The following AMBRA1 variants were observed in gnomAD, a reference collection of about 807,000 sequenced individuals.
The protein encoded by AMBRA1 is activating molecule in BECN1-regulated autophagy protein 1.
Under a neutral mutation model 125.4 loss-of-function variants are expected in AMBRA1, and 47 were observed. The observed-to-expected ratio is 0.37, with a 90% CI of 0.30 to 0.48. The LOEUF is 0.48. Ranked by LOEUF, AMBRA1 falls within the 20% of genes least tolerant of loss-of-function variation. The probability of loss-of-function intolerance (pLI) is 0.99; values close to 1 mark genes in which losing one functional copy is unlikely to be tolerated. For synonymous variants in AMBRA1, 626 were observed against 655.5 expected, an observed-to-expected ratio of 0.95 and a Z score of 0.69; for missense variants, 1,331 against 1,693.4, an observed-to-expected ratio of 0.79 and a Z score of 3.76.
chr11:46,496,985 G>A (rs540176526), intron 9 of AMBRA1, among the ~76,000 whole-genome samples: 5 of 151,880 alleles, frequency 3.3e-5, no homozygotes, highest in African/African-American at 9.7e-5. Context: ...GATGGCGAGC[G>A]CCTGTAATCT....
chr11:46,567,560 C>T (rs1356031515), intron 1 of AMBRA1, among the ~76,000 whole-genome samples: 2 of 151,758 alleles, frequency 1.3e-5, no homozygotes, highest in African/African-American at 4.8e-5. Context: ...GGGGTTTCGC[C>T]ATGTTGGCCA....
chr11:46,542,017 GA>G lies in AMBRA1; in HGVS notation c.1999del (p.Ser667LeufsTer65). 1 of 1,614,102 alleles carries G rather than the reference GA, an allele frequency of 6.2e-7. No individual in the cohort carries two copies. Among genetic ancestry groups the G allele is most frequent in the Non-Finnish European group, 8.5e-7 (1 of 1,179,990 alleles). Reference protein sequence around the residue: ...WERIYTQSSRSGTVSQEALHQ... With the variant: ...WERIYTQSSRXGTVSQEALHQ... ...TAAGGCCTCCTGTGACACAGTTCCA[GA>G]TCTGCTGGACTGGGTGTAAATTCTT... On this transcript the variant is annotated frameshift_variant, in exon 7 of 18. Transcript: ENST00000683756. LOFTEE classifies it high-confidence loss of function. This position sits in a 1 kb window ranked among gnomAD's most constrained non-coding sequence, Gnocchi z 5.9.
At position 46,461,103 on chromosome 11, in the gene AMBRA1, C is replaced by T. The variant is rs140401992; in HGVS notation, c.2522-17505G>A. ...ACAAAAAATTAAAAAATTAGCCAAGCACGATGGTACACGCCTATAGTCCCA... is the reference window on the plus strand; with the variant it reads ...ACAAAAAATTAAAAAATTAGCCAAGTACGATGGTACACGCCTATAGTCCCA... On this transcript the variant is annotated intron_variant, in intron 11 of 17. Transcript: ENST00000683756. Among the ~76,000 whole-genome samples, 303 of 152,208 alleles carry T rather than the reference C, an allele frequency of 2.0e-3. 1 individual carries two copies. Among genetic ancestry groups the T allele is most frequent in the African/African-American group, 6.6e-3 (273 of 41,512 alleles).
At chr11:46,530,206 T>A (rs1241277690) in intron 7 of AMBRA1, among the ~76,000 whole-genome samples, 3 of 152,134 alleles carry the variant, frequency 2.0e-5, no homozygotes, top group Admixed American at 1.3e-4. Flanking sequence ...GTCACTGTAG[T>A]CCCCAAGTGC....
intron 7 of AMBRA1, among the ~76,000 whole-genome samples, chr11:46,541,697 T>A (rs878886957): frequency 6.6e-6 from 1 of 152,206 alleles, no homozygotes; most frequent in Non-Finnish European, 1.5e-5. Context: ...ACACTCTCCT[T>A]TCAAGGCTAA....
At chr11:46,452,745 TCA>T (rs1029238773) in intron 11 of AMBRA1, among the ~76,000 whole-genome samples, 4 of 152,194 alleles carry the variant, frequency 2.6e-5, no homozygotes, top group African/African-American at 9.7e-5. Context: ...TAATCTGAAA[TCA>T]CAGTCAATGT....
At chr11:46,505,133 C>T (rs1319723838) in intron 9 of AMBRA1, among the ~76,000 whole-genome samples, 7 of 152,178 alleles carry the variant, frequency 4.6e-5, no homozygotes, top group Non-Finnish European at 1.0e-4. Flanking sequence ...GAGGATTACT[C>T]GCCATATCTA....
chr11:46,475,804 C>CA (rs1949790002), intron 11 of AMBRA1, among the ~76,000 whole-genome samples: 1 of 152,202 alleles, frequency 6.6e-6, no homozygotes, highest in Admixed American at 6.5e-5. Context: ...TGTAAGGTCT[C>CA]AGATTCGGAG....
At chr11:46,516,343 T>A (rs1482569146) in intron 7 of AMBRA1, among the ~76,000 whole-genome samples, 1 of 149,968 alleles carries the variant, frequency 6.7e-6, no homozygotes, top group Non-Finnish European at 1.5e-5. Context: ...TGGTGTGGAA[T>A]AAAGAACTAG....
intron 9 of AMBRA1, 37 bp downstream of exon 9, chr11:46,508,154 G>A: frequency 6.2e-7 from 1 of 1,610,584 alleles, no homozygotes; most frequent in Non-Finnish European, 8.5e-7. Flanking sequence ...CCAAGCTTGA[G>A]AGGAGAGGGA....
In AMBRA1 at chr11:46,397,445, T is replaced by G. The variant is rs777319823; in HGVS notation, c.*5A>C. ...CGAGGGGAGGCACCAGTGCAACGTT[T>G]GTCTCTACCTGTTCCGTGGTTCTCC... On this transcript the variant is annotated 3_prime_UTR_variant, in exon 18 of 18. Coordinates refer to ENST00000683756, the MANE Select transcript of AMBRA1 (RefSeq NM_001387011.1). The G allele has an allele frequency of 6.7e-7, 1 of 1,488,220 alleles. No homozygotes were observed. Among genetic ancestry groups the G allele is most frequent in the Non-Finnish European group, 9.0e-7 (1 of 1,116,774 alleles). The allele number at this position is 1,488,220 out of a possible 1,614,324, so 92.2% of individuals were successfully genotyped here.
chr11:46,503,223 C>A (rs2135016456), intron 9 of AMBRA1, among the ~76,000 whole-genome samples: 1 of 152,200 alleles, frequency 6.6e-6, no homozygotes, highest in Admixed American at 6.5e-5. Flanking sequence ...ATGTGCAACT[C>A]TTCCTTTTTC....
At chr11:46,411,629 C>T (rs140259069) in intron 15 of AMBRA1, among the ~76,000 whole-genome samples, 81 of 152,182 alleles carry the variant, frequency 5.3e-4, no homozygotes, top group African/African-American at 1.6e-3. Context: ...CCACCACGCC[C>T]GGCTAATTTT....
chr11:46,568,825 T>C (rs992396785), intron 1 of AMBRA1, among the ~76,000 whole-genome samples: 3 of 148,744 alleles, frequency 2.0e-5, no homozygotes, highest in African/African-American at 7.5e-5. Flanking sequence ...TTTTTTTTTT[T>C]TGAGACAGTC....
In AMBRA1 at chr11:46,573,262, A is replaced by G. The variant is rs1385483630; in HGVS notation, c.-121+20566T>C. Among the ~76,000 whole-genome samples the G allele has an allele frequency of 2.0e-5, 3 of 148,688 alleles. No individual in the cohort carries two copies. In the East Asian group the frequency reaches 6.0e-4, roughly 30 times the overall value. On this transcript the variant is annotated intron_variant, in intron 1 of 17. Coordinates refer to ENST00000683756, the MANE Select transcript of AMBRA1 (RefSeq NM_001387011.1). The stretch of plus-strand genomic sequence containing the variant: ...TCTACTCAAAATACAAAAATTAGCC[A>G]GGTGTGGTGGCACGCACCTGTAATC...
At chr11:46,514,755 A>G (rs1207768142) in intron 7 of AMBRA1, among the ~76,000 whole-genome samples, 1 of 152,112 alleles carries the variant, frequency 6.6e-6, no homozygotes, top group African/African-American at 2.4e-5. Flanking sequence ...GATTACAGCC[A>G]TAAGTCACTG....
chr11:46,406,129 T>C (rs928244804), intron 17 of AMBRA1, among the ~76,000 whole-genome samples: 2 of 151,706 alleles, frequency 1.3e-5, no homozygotes, highest in East Asian at 2.0e-4. Flanking sequence ...TTTTGGCTCA[T>C]TGCAACCTCT....
chr11:46,400,473 GTTTTTTTTTTTTTTTTT>G (rs553040136), intron 17 of AMBRA1, among the ~76,000 whole-genome samples: 497 of 48,884 alleles, frequency 0.01, 9 homozygotes, highest in African/African-American at 0.018. Flanking sequence ...TCTTTCTATA[GTTTTTTTTTTTTTTTTT>G]TTTTTTTTTT....
chr11:46,528,907 G>A (rs1952096139), intron 7 of AMBRA1, among the ~76,000 whole-genome samples: 1 of 152,162 alleles, frequency 6.6e-6, no homozygotes, highest in African/African-American at 2.4e-5. Context: ...GGCTACCTCT[G>A]TGTAGGGGAG....
Sources: allele counts gnomAD v4.1 joint callset (sites outside exome capture counted in the v4.1 genomes callset), GRCh38; gene constraint gnomAD v4.1.1; non-coding constraint Gnocchi (gnomAD v3.1); transcripts MANE v1.5; gene names NCBI Gene and HGNC (gene_info 2026-07-23, HGNC 2026-07-21).